The following WWC2 variants were observed in gnomAD, a reference collection of about 807,000 sequenced individuals.
WWC2 encodes the protein protein WWC2.
A neutral mutation model predicts 138.5 loss-of-function variants in WWC2; 101 were observed. The observed-to-expected ratio is 0.73, with a 90% confidence interval of 0.62 to 0.86. The LOEUF (loss-of-function observed/expected upper bound fraction) is 0.86. Ranked by LOEUF, WWC2 falls within the 40% of genes least tolerant of loss-of-function variation. WWC2 has a pLI of 0.00. For missense variants in WWC2, 1,420 were observed against 1,419.4 expected (o/e 1.00, Z -0.01); for synonymous variants, 558 against 538.4 (o/e 1.04, Z -0.50).
intron 4 of WWC2, among the ~76,000 whole-genome samples, chr4:183,214,708 C>T (rs567659592): frequency 2.6e-5 from 4 of 151,768 alleles, no homozygotes; most frequent in African/African-American, 4.8e-5. Context: ...AGGAGAATCT[C>T]TTGAACGTGG....
At chr4:183,113,735 G>C (rs930265949) in intron 1 of WWC2, among the ~76,000 whole-genome samples, 2 of 151,108 alleles carry the variant, frequency 1.3e-5, no homozygotes, top group Non-Finnish European at 2.9e-5. Context: ...TTTTAAAAAA[G>C]AGATCACTAC....
intron 1 of WWC2, among the ~76,000 whole-genome samples, chr4:183,160,007 A>T (rs528304483): frequency 8.8e-4 from 134 of 152,296 alleles, no homozygotes; most frequent in Middle Eastern, 3.4e-3. Flanking sequence ...CACATATGTC[A>T]GTTATGATGG....
intron 8 of WWC2, among the ~76,000 whole-genome samples, chr4:183,250,638 G>GTAGA (rs1433170207): frequency 6.6e-6 from 1 of 152,090 alleles, no homozygotes; most frequent in African/African-American, 2.4e-5. Context: ...TCCGTATCTA[G>GTAGA]TAGATAGACT....
chr4:183,164,308 A>G (rs1477233022), intron 1 of WWC2, among the ~76,000 whole-genome samples: 7 of 740 alleles, frequency 9.5e-3, no homozygotes, highest in Non-Finnish European at 0.085. Flanking sequence ...ATACATATAT[A>G]TATTATATAT....
chr4:183,108,271 ACTAAGTCCTG>A (rs890812492), intron 1 of WWC2, among the ~76,000 whole-genome samples: 6 of 152,188 alleles, frequency 3.9e-5, no homozygotes, highest in African/African-American at 1.4e-4. Flanking sequence ...CATCCAGGGC[ACTAAGTCCTG>A]CTGATACACC....
chr4:183,269,736 A>T lies in WWC2; in HGVS notation c.2400+573A>T, dbSNP rs1737638375. 1.5e-5 allele frequency: 4 copies of T among 267,944 alleles called. No individual in the cohort carries two copies. The South Asian group carries it at 1.6e-4, about 11-fold the overall frequency. 16.6% of individuals were successfully genotyped at this position (267,944 alleles called of 1,614,324 possible). On this transcript the variant is annotated intron_variant, in intron 15 of 22. Coordinates refer to ENST00000403733, the MANE Select transcript of WWC2 (RefSeq NM_024949.6). The stretch of plus-strand genomic sequence containing the variant: ...CCACTGAGTACTATATAGTACCCTT[A>T]TTCACCTCATTCTCCTCCACCACAG...
chr4:183,291,041 C>T (rs144951976), intron 21 of WWC2, among the ~76,000 whole-genome samples: 189 of 152,348 alleles, frequency 1.2e-3, no homozygotes, highest in Middle Eastern at 6.8e-3. Context: ...GAAACCTTCA[C>T]GTTCAGTAGG....
At chr4:183,255,661 A>G (rs55661792) in intron 9 of WWC2, among the ~76,000 whole-genome samples, 4 of 151,962 alleles carry the variant, frequency 2.6e-5, no homozygotes, top group East Asian at 1.9e-4. Context: ...GAAAGAAGAC[A>G]TATTTGTTTG....
chr4:183,180,823 CG>C (rs1734610310), intron 1 of WWC2, among the ~76,000 whole-genome samples: 1 of 44,304 alleles, frequency 2.3e-5, no homozygotes, highest in South Asian at 8.9e-4. Flanking sequence ...CTGCCTGGGG[CG>C]GGGGCGGGGA....
chr4:183,268,502 G>C (rs1737581185), intron 14 of WWC2, among the ~76,000 whole-genome samples: 1 of 152,070 alleles, frequency 6.6e-6, no homozygotes, highest in South Asian at 2.1e-4. Flanking sequence ...TTCTCTAGTA[G>C]GATAATGTAT....
At chr4:183,120,075 ATTACCT>A (rs113872661) in intron 1 of WWC2, among the ~76,000 whole-genome samples, 2,027 of 152,308 alleles carry the variant, frequency 0.013, 51 homozygotes, top group African/African-American at 0.047. Context: ...GAGATGAAAA[ATTACCT>A]TTACAAGTAT....
intron 8 of WWC2, among the ~76,000 whole-genome samples, chr4:183,253,052 A>T (rs1375513514): frequency 6.6e-6 from 1 of 152,072 alleles, no homozygotes; most frequent in Non-Finnish European, 1.5e-5. Flanking sequence ...AAATCTTTAA[A>T]ATATTTTTGG....
chr4:183,267,836 A>G (rs1737555054), intron 14 of WWC2, among the ~76,000 whole-genome samples: 1 of 152,228 alleles, frequency 6.6e-6, no homozygotes, highest in Non-Finnish European at 1.5e-5. Context: ...ACCCACATGT[A>G]AAAGCCTTGG....
At chr4:183,218,023 C>G (rs937202469) in intron 4 of WWC2, among the ~76,000 whole-genome samples, 3 of 151,914 alleles carry the variant, frequency 2.0e-5, no homozygotes, top group Non-Finnish European at 2.9e-5. Context: ...TCATTATGTA[C>G]AGTGGAATAA....
rs1738048013 is a variant in WWC2, at chr4:183,280,869, G to A, written c.2656G>A (p.Glu886Lys). 6.3e-7 allele frequency: 1 copy of A among 1,580,156 alleles called. No individual in the cohort carries two copies. ...AGAAGAAGAAGAAGAATCAGGACAA[G>A]AAGAGCCAAGGGGCCCAGATGGAGA... ...AQEEEEESGQEEPRGPDGDWL... is the reference protein window; with the variant it reads ...AQEEEEESGQKEPRGPDGDWL... The change falls in exon 17 of 23, where the codon GAA becomes AAA. Residue 886 changes from glutamate to lysine, a missense_variant. Physicochemically the swap from Glu to Lys is moderately conservative, Grantham distance 56. Transcript: ENST00000403733.
chr4:183,247,721 CTATATACTACATATATACTA>C (rs1192197027), intron 6 of WWC2, among the ~76,000 whole-genome samples: 1 of 131,234 alleles, frequency 7.6e-6, no homozygotes, highest in Non-Finnish European at 1.6e-5. Context: ...ACTATATATA[CTATATACTACATATATACTA>C]TATATACTAC....
At chr4:183,105,552 G>A (rs1743323241) in intron 1 of WWC2, among the ~76,000 whole-genome samples, 1 of 152,154 alleles carries the variant, frequency 6.6e-6, no homozygotes, top group African/African-American at 2.4e-5. Flanking sequence ...GTATGCCCTG[G>A]TTCCTATGAA....
intron 21 of WWC2, among the ~76,000 whole-genome samples, chr4:183,294,870 T>G (rs1471944575): frequency 6.6e-6 from 1 of 152,100 alleles, no homozygotes; most frequent in Non-Finnish European, 1.5e-5. Context: ...TCTCCTACAC[T>G]AAAGAAATGT....
chr4:183,244,074 G>A (rs1046909193), intron 5 of WWC2, among the ~76,000 whole-genome samples: 6 of 151,856 alleles, frequency 4.0e-5, no homozygotes, highest in African/African-American at 7.3e-5. Context: ...TAAACCAAAC[G>A]AGCTCAGAGC....
Sources: gnomAD v4.1 joint callset for allele counts (sites outside exome capture counted in the v4.1 genomes callset) on GRCh38, gnomAD v4.1.1 for gene constraint, MANE v1.5 for transcripts, NCBI Gene and HGNC (gene_info 2026-07-23, HGNC 2026-07-21) for gene names.